The following SESN1 variants were observed in gnomAD, a reference collection of about 807,000 sequenced individuals.
SESN1 encodes the protein sestrin 1, also known as sestrin-1.
A neutral mutation model predicts 59.3 loss-of-function variants in SESN1; 30 were observed. The ratio of observed to expected loss-of-function variants is 0.51; its 90% CI spans 0.38 to 0.69. The LOEUF is 0.69. Among genes scored for constraint, SESN1 ranks in the 30% least tolerant of loss-of-function variants. The pLI is 0.00. For missense variants in SESN1, 566 were observed against 673.0 expected, an observed-to-expected ratio of 0.84 and a Z score of 1.76; for synonymous variants, 197 against 219.9, an observed-to-expected ratio of 0.90 and a Z score of 0.92.
intron 1 of SESN1, among the ~76,000 whole-genome samples, chr6:109,034,042 C>G (rs1314593685): frequency 3.9e-5 from 6 of 152,182 alleles, no homozygotes; most frequent in Non-Finnish European, 7.4e-5. Flanking sequence ...TAGAGAGCCA[C>G]AGGATTACAT....
intron 1 of SESN1, among the ~76,000 whole-genome samples, chr6:109,014,277 T>C (rs548242372): frequency 2.0e-5 from 3 of 152,342 alleles, no homozygotes; most frequent in South Asian, 2.1e-4. Context: ...TCTAGGCTGA[T>C]AATAATAAGA....
At chr6:109,043,747 T>C (rs1275681072) in intron 1 of SESN1, among the ~76,000 whole-genome samples, 1 of 152,182 alleles carries the variant, frequency 6.6e-6, no homozygotes, top group Non-Finnish European at 1.5e-5. Flanking sequence ...ATTGGAAGAC[T>C]CAATACTAGT....
chr6:109,004,156 G>GA (rs1410981103), intron 1 of SESN1, among the ~76,000 whole-genome samples: 5 of 151,586 alleles, frequency 3.3e-5, no homozygotes, highest in African/African-American at 1.2e-4. Flanking sequence ...TTAAATGTAA[G>GA]AAAAAAATGA....
At chr6:109,014,621 TTTTG>T (rs941878105) in intron 1 of SESN1, among the ~76,000 whole-genome samples, 30 of 152,292 alleles carry the variant, frequency 2.0e-4, no homozygotes, top group South Asian at 8.3e-4. Flanking sequence ...GGGTGAGTTT[TTTTG>T]TTTGTTTGTT....
chr6:109,009,047 T>G (rs1779798725), intron 1 of SESN1: 1 of 972,872 alleles, frequency 1.0e-6, no homozygotes, highest in Non-Finnish European at 1.3e-6. Context: ...CAGACGACAA[T>G]GTTATTTACG....
intron 1 of SESN1, among the ~76,000 whole-genome samples, chr6:109,046,167 C>CCATCT (rs1780429943): frequency 6.6e-6 from 1 of 151,924 alleles, no homozygotes; most frequent in Admixed American, 6.5e-5. Context: ...TGTACTGCTG[C>CCATCT]CATCTCGGCT....
intron 1 of SESN1, 96 bp from the exon 2 acceptor site, chr6:109,002,439 G>T: frequency 1.1e-6 from 1 of 918,480 alleles, no homozygotes; most frequent in Non-Finnish European, 1.8e-6. Flanking sequence ...GTCGAACAGA[G>T]ACAGGCTTGT....
chr6:109,013,445 T>G lies in SESN1; in HGVS notation c.280-11102A>C, dbSNP rs184146372. On this transcript the variant is annotated intron_variant, in intron 1 of 9. Coordinates refer to ENST00000436639, the MANE Select transcript of SESN1 (RefSeq NM_014454.3). ...GCCTCAAACTCTTGTTTTTGAAATT[T>G]AGGAGATAAATCTCAGATTATCTGC... Among the ~76,000 whole-genome samples, 210 of 152,130 alleles carry G rather than the reference T, an allele frequency of 1.4e-3. 1 individual carries two copies. The highest frequency in any genetic ancestry group is 9.4e-4 in the Non-Finnish European group (64 of 67,926).
At chr6:108,990,084 A>G (rs1408221398) in intron 8 of SESN1, among the ~76,000 whole-genome samples, 2 of 152,258 alleles carry the variant, frequency 1.3e-5, no homozygotes, top group Non-Finnish European at 2.9e-5. Context: ...GTTAACTAGT[A>G]AGCACTGTAG....
At chr6:109,045,126 T>G (rs1319496064) in intron 1 of SESN1, among the ~76,000 whole-genome samples, 1 of 152,146 alleles carries the variant, frequency 6.6e-6, no homozygotes, top group Non-Finnish European at 1.5e-5. Flanking sequence ...ATACCTCCAG[T>G]TGTCCAGTGC....
In SESN1 at chr6:108,984,417, CT is replaced by C. The variant is rs1478502340; in HGVS notation, c.*3126del. Among the ~76,000 whole-genome samples the C allele has an allele frequency of 9.2e-5, 14 of 152,198 alleles. No individual in the cohort carries two copies. Among genetic ancestry groups the C allele is most frequent in the Admixed American group, 1.3e-4 (2 of 15,278 alleles). On this transcript the variant is annotated 3_prime_UTR_variant, in exon 10 of 10. Coordinates refer to ENST00000436639, the MANE Select transcript of SESN1 (RefSeq NM_014454.3). ...TTTTCTTCCTCACAGATGGCACACT[CT>C]AGCTGTGTCCTTTCATGGTAGAAGG...
chr6:109,035,510 T>C (rs967737067), intron 1 of SESN1, among the ~76,000 whole-genome samples: 5 of 151,760 alleles, frequency 3.3e-5, no homozygotes, highest in Non-Finnish European at 7.4e-5. Flanking sequence ...TTCAGGACTC[T>C]TGGGGACAAA....
At chr6:109,074,750 C>T (rs1342970974) in intron 1 of SESN1, among the ~76,000 whole-genome samples, 2 of 152,186 alleles carry the variant, frequency 1.3e-5, no homozygotes, top group Non-Finnish European at 2.9e-5. Context: ...AATTCTCTTT[C>T]CCCTCAAATC....
chr6:109,085,101 A>G (rs1583300711), intron 1 of SESN1, among the ~76,000 whole-genome samples: 1 of 151,066 alleles, frequency 6.6e-6, no homozygotes, highest in African/African-American at 2.4e-5. Flanking sequence ...CTTTATTGAC[A>G]CTGGCTTATC....
rs190468380 is a variant in SESN1, at chr6:108,990,224, G to A, written c.1424+421C>T. Among the ~76,000 whole-genome samples, 531 of 152,070 alleles carry A rather than the reference G, an allele frequency of 3.5e-3. 2 individuals carry two copies. Among genetic ancestry groups the A allele is most frequent in the Non-Finnish European group, 5.6e-3 (379 of 67,848 alleles). ...TGCATTTTGATTACGTATTATGAGA[G>A]CAAGTACTCCTCAGAAGGAGCCTAA... On this transcript the variant is annotated intron_variant, in intron 8 of 9. Transcript: ENST00000436639.
chr6:109,009,995 T>C lies in SESN1; in HGVS notation c.280-7652A>G, dbSNP rs528738449. Among the ~76,000 whole-genome samples, 6 of 152,216 alleles carry C rather than the reference T, an allele frequency of 3.9e-5. No homozygotes were observed. The South Asian group carries it at 1.2e-3, about 32-fold the overall frequency. On this transcript the variant is annotated intron_variant, in intron 1 of 9. Transcript: ENST00000436639. Reference sequence around the variant, plus strand: ...AATTTCCCTTCTTCCTTTCCCATAATGCCCAAACGACGCTGAATCGGCAGC... The same window carrying C: ...AATTTCCCTTCTTCCTTTCCCATAACGCCCAAACGACGCTGAATCGGCAGC...
At chr6:109,009,617 C>A in intron 1 of SESN1, 1 of 1,001,746 alleles carries the variant, frequency 1.0e-6, no homozygotes. Context: ...CGTCATTTCA[C>A]CGCCCTGGCG....
chr6:109,001,605 A>C (rs1779627112), intron 2 of SESN1, 117 bp from the exon 3 acceptor site: 3 of 880,296 alleles, frequency 3.4e-6, no homozygotes, highest in Non-Finnish European at 5.2e-6. Context: ...TGGCTTAAGA[A>C]AGAGGGGTTA....
At chr6:109,019,828 T>G (rs1421195902) in intron 1 of SESN1, among the ~76,000 whole-genome samples, 2 of 152,240 alleles carry the variant, frequency 1.3e-5, no homozygotes, top group Non-Finnish European at 2.9e-5. Flanking sequence ...TGTCAATAAA[T>G]TCAACTTTCA....
Sources: gnomAD v4.1 joint callset for allele counts (sites outside exome capture counted in the v4.1 genomes callset) on GRCh38, gnomAD v4.1.1 for gene constraint, MANE v1.5 for transcripts, NCBI Gene and HGNC (gene_info 2026-07-23, HGNC 2026-07-21) for gene names.